Variants in ATP10B observed in about 807,000 individuals in gnomAD.
The protein encoded by ATP10B is ATPase phospholipid transporting 10B (putative), also known as phospholipid-transporting ATPase VB.
Under a neutral mutation model 141.2 loss-of-function variants are expected in ATP10B, and 122 were observed. That is an observed-to-expected ratio of 0.86 (90% confidence interval 0.75 to 1.00). The LOEUF (loss-of-function observed/expected upper bound fraction) is 1.00. Ranked by LOEUF, ATP10B falls within the 50% of genes least tolerant of loss-of-function variation. The probability of loss-of-function intolerance (pLI) is 0.00; values close to 1 mark genes in which losing one functional copy is unlikely to be tolerated. For synonymous variants in ATP10B, 685 were observed against 692.0 expected, an observed-to-expected ratio of 0.99 and a Z score of 0.16; for missense variants, 1,876 against 1,825.3, an observed-to-expected ratio of 1.03 and a Z score of -0.51.
At chr5:160,831,441 A>G (rs1775074641) in intron 1 of ATP10B, among the ~76,000 whole-genome samples, 1 of 152,066 alleles carries the variant, frequency 6.6e-6, no homozygotes, top group Non-Finnish European at 1.5e-5. Flanking sequence ...ATTTCAGGAG[A>G]TTGCCAAGTA....
chr5:160,853,018 T>C (rs956204377), upstream of ATP10B, among the ~76,000 whole-genome samples: 1 of 152,182 alleles, frequency 6.6e-6, no homozygotes, highest in Non-Finnish European at 1.5e-5. Flanking sequence ...AGAGTAATTG[T>C]GAACTTTGTA....
the ATP10B span, among the ~76,000 whole-genome samples, chr5:160,907,126 T>C: frequency 6.6e-6 from 1 of 152,094 alleles, no homozygotes; most frequent in African/African-American, 2.4e-5. Flanking sequence ...AATCAAATCG[T>C]TTTCTGTAAT....
At chr5:160,901,568 T>C in the ATP10B span, among the ~76,000 whole-genome samples, 2 of 152,104 alleles carry the variant, frequency 1.3e-5, no homozygotes, top group Admixed American at 6.5e-5. Flanking sequence ...CAAACATTGA[T>C]AGATTCTGAA....
intron 18 of ATP10B, chr5:160,611,739 CCT>C (rs1194597821): frequency 6.6e-6 from 1 of 152,218 alleles, no homozygotes; most frequent in East Asian, 1.9e-4. Flanking sequence ...AGTCCGGTGT[CCT>C]CTCTCCCTCC....
At chr5:160,664,499 A>T (rs1431444895) in intron 7 of ATP10B, among the ~76,000 whole-genome samples, 1 of 152,214 alleles carries the variant, frequency 6.6e-6, no homozygotes, top group Non-Finnish European at 1.5e-5. Flanking sequence ...GAGAATTTTT[A>T]ACCTGAGCAA....
chr5:160,723,982 G>A (rs1766155713), intron 2 of ATP10B, among the ~76,000 whole-genome samples: 2 of 152,156 alleles, frequency 1.3e-5, no homozygotes, highest in Admixed American at 6.5e-5. Context: ...CCTTTGCGGG[G>A]ACATGGATGG....
intron 7 of ATP10B, among the ~76,000 whole-genome samples, chr5:160,665,720 T>C (rs1463968153): frequency 6.6e-6 from 1 of 152,198 alleles, no homozygotes; most frequent in Admixed American, 6.5e-5. Flanking sequence ...AAGTATGTCT[T>C]ACTGACTTTG....
At chr5:160,666,151 C>A (rs1762304527) in intron 7 of ATP10B, among the ~76,000 whole-genome samples, 1 of 152,094 alleles carries the variant, frequency 6.6e-6, no homozygotes, top group Non-Finnish European at 1.5e-5. Context: ...ATAAGTGTTT[C>A]TGGAAGCACT....
chr5:160,575,487 C>A (rs1465126488), intron 24 of ATP10B, among the ~76,000 whole-genome samples: 1 of 152,074 alleles, frequency 6.6e-6, no homozygotes, highest in Non-Finnish European at 1.5e-5. Context: ...TCCTTATGAG[C>A]ATATTCAGAT....
chr5:160,906,323 GA>G, the ATP10B span, among the ~76,000 whole-genome samples: 6 of 146,694 alleles, frequency 4.1e-5, no homozygotes, highest in South Asian at 2.2e-4. Flanking sequence ...CAGCCTCTGG[GA>G]AAAAAAAAAC....
the ATP10B span, among the ~76,000 whole-genome samples, chr5:160,888,237 G>A: frequency 6.6e-6 from 1 of 152,138 alleles, no homozygotes; most frequent in African/African-American, 2.4e-5. Context: ...TAAAATAAAT[G>A]TATAATGCTG....
the ATP10B span, among the ~76,000 whole-genome samples, chr5:160,862,459 T>A: frequency 6.6e-6 from 1 of 151,970 alleles, no homozygotes; most frequent in Non-Finnish European, 1.5e-5. Context: ...TTTCTTGCAA[T>A]AAGTTTATTC....
intron 8 of ATP10B, 69 bp downstream of exon 8, chr5:160,649,102 T>TTTCA: frequency 8.3e-7 from 1 of 1,199,764 alleles, no homozygotes; most frequent in Non-Finnish European, 1.2e-6. Flanking sequence ...TGTTTGGTCA[T>TTTCA]TTCTAGACAA....
upstream of ATP10B, among the ~76,000 whole-genome samples, chr5:160,855,887 A>G (rs1753984648): frequency 2.0e-5 from 3 of 151,970 alleles, no homozygotes; most frequent in South Asian, 6.2e-4. Flanking sequence ...TTTGTAAAAA[A>G]AAAAATTAGT....
chr5:160,737,406 C>G (rs993304484), intron 2 of ATP10B, among the ~76,000 whole-genome samples: 1 of 152,044 alleles, frequency 6.6e-6, no homozygotes, highest in Non-Finnish European at 1.5e-5. Flanking sequence ...CTAGCTAGAG[C>G]AATCAGACCA....
chr5:160,794,011 T>C (rs1207006250), intron 1 of ATP10B, among the ~76,000 whole-genome samples: 3 of 152,230 alleles, frequency 2.0e-5, no homozygotes, highest in Non-Finnish European at 2.9e-5. Context: ...GTGATGTTAG[T>C]ACAGGATAAA....
At chr5:160,725,368 G>A in intron 2 of ATP10B, among the ~76,000 whole-genome samples, 1 of 152,074 alleles carries the variant, frequency 6.6e-6, no homozygotes, top group East Asian at 1.9e-4. Context: ...CTTCACTCTA[G>A]TTCTTGCAGT....
In ATP10B at chr5:160,768,169, T is replaced by C. The variant is rs186825912; in HGVS notation, c.-331+17390A>G. 2.6e-5 allele frequency among the ~76,000 whole-genome samples: 4 copies of C among 152,322 alleles called. No homozygotes were observed. In the East Asian group the frequency reaches 5.8e-4, roughly 22 times the overall value. The stretch of plus-strand genomic sequence containing the variant: ...CTCTTATTTCTTCCCATCATCATCA[T>C]GAATTTTAAAGCATTAATTTACTGT... On this transcript the variant is annotated intron_variant, in intron 2 of 25. Coordinates refer to ENST00000327245, the MANE Select transcript of ATP10B (RefSeq NM_025153.3).
intron 7 of ATP10B, among the ~76,000 whole-genome samples, chr5:160,666,049 T>C (rs1316077813): frequency 6.6e-6 from 1 of 152,158 alleles, no homozygotes. Flanking sequence ...CCACCTCCCA[T>C]GGTGATCTTA....
Sources: allele counts gnomAD v4.1 joint callset (sites outside exome capture counted in the v4.1 genomes callset), GRCh38; gene constraint gnomAD v4.1.1; transcripts MANE v1.5; gene names NCBI Gene and HGNC (gene_info 2026-07-23, HGNC 2026-07-21).